Variants in MBD5 observed in about 807,000 individuals in gnomAD.
The protein encoded by MBD5 is methyl-CpG binding domain protein 5, also known as methyl-CpG-binding domain protein 5.
Under a neutral mutation model 117.3 loss-of-function variants are expected in MBD5, and 13 were observed. That is an observed-to-expected ratio of 0.11 (90% confidence interval 0.07 to 0.18). The LOEUF is 0.18. Ranked by LOEUF, MBD5 falls within the 10% of genes least tolerant of loss-of-function variation. The pLI is 1.00. For synonymous variants in MBD5, 727 were observed against 766.4 expected, an observed-to-expected ratio of 0.95 and a Z score of 0.85; for missense variants, 1,879 against 2,093.8, an observed-to-expected ratio of 0.90 and a Z score of 2.00.
At chr2:148,270,741 G>C (rs1250893930) in intron 3 of MBD5, among the ~76,000 whole-genome samples, 2 of 151,768 alleles carry the variant, frequency 1.3e-5, no homozygotes, top group African/African-American at 4.8e-5. Context: ...AGCCTCATAG[G>C]TCTCTACTAA....
At chr2:148,037,028 A>G (rs1694214067) in intron 1 of MBD5, among the ~76,000 whole-genome samples, 1 of 151,962 alleles carries the variant, frequency 6.6e-6, no homozygotes, top group Non-Finnish European at 1.5e-5. Context: ...AAGTAATTTC[A>G]AATTTATAAT....
Position 148,261,030 on chromosome 2 carries a change from C to T in MBD5, c.-680+27635C>T, listed in dbSNP as rs1314197483. Among the ~76,000 whole-genome samples, 3 of 152,148 alleles carry T rather than the reference C, an allele frequency of 2.0e-5. No individual in the cohort carries two copies. In the East Asian group the frequency reaches 5.8e-4, roughly 29 times the overall value. ...GTATTTTTTTCTGAGCAGTAGGTCT[C>T]TCAACGGTGAGCTTAAAATAGTCAG... On this transcript the variant is annotated intron_variant, in intron 3 of 13. Coordinates refer to ENST00000642680, the MANE Select transcript of MBD5 (RefSeq NM_001378120.1).
At chr2:148,300,981 T>A (rs1158881618) in intron 3 of MBD5, among the ~76,000 whole-genome samples, 2 of 152,212 alleles carry the variant, frequency 1.3e-5, no homozygotes, top group Admixed American at 6.5e-5. Context: ...CAAAGCTGTT[T>A]CTATAGCATC....
At chr2:148,326,318 T>A (rs2106603296) in intron 3 of MBD5, among the ~76,000 whole-genome samples, 2 of 152,290 alleles carry the variant, frequency 1.3e-5, no homozygotes, top group Non-Finnish European at 2.9e-5. Flanking sequence ...TTCTGTTGAT[T>A]TGGGGTGGAG....
intron 3 of MBD5, among the ~76,000 whole-genome samples, chr2:148,283,252 T>C (rs1328861554): frequency 6.6e-6 from 1 of 152,156 alleles, no homozygotes; most frequent in Non-Finnish European, 1.5e-5. Flanking sequence ...TACATAGTCA[T>C]ATGGAAAGTA....
intron 1 of MBD5, among the ~76,000 whole-genome samples, chr2:148,087,839 T>C (rs1695834314): frequency 6.6e-6 from 1 of 152,134 alleles, no homozygotes; most frequent in Non-Finnish European, 1.5e-5. Flanking sequence ...CACACTAGCT[T>C]GCTAGCAATG....
At chr2:148,145,626 A>C (rs1697438112) in intron 1 of MBD5, among the ~76,000 whole-genome samples, 1 of 152,186 alleles carries the variant, frequency 6.6e-6, no homozygotes, top group Non-Finnish European at 1.5e-5. Context: ...ACATCCCATC[A>C]ATACCTAGTT....
At chr2:148,295,751 T>A (rs1701632429) in intron 3 of MBD5, 1 of 160,548 alleles carries the variant, frequency 6.2e-6, no homozygotes, top group African/African-American at 2.4e-5. Flanking sequence ...CAGTAAATCA[T>A]AATAGCAACA....
In MBD5 at chr2:148,470,341, G is replaced by A; in HGVS notation, c.2398G>A (p.Gly800Ser). 1 of 1,613,830 alleles carries A rather than the reference G, an allele frequency of 6.2e-7. No homozygotes were observed. The change falls in exon 8 of 14, where the codon GGC becomes AGC. Residue 800 changes from glycine to serine, a missense_variant. Transcript: ENST00000642680. The stretch of plus-strand genomic sequence containing the variant: ...GAACTGTGGGATGCTCAGTCAGTCG[G>A]GCATGGCTTTAGGAAATTCCTTACA... ...SGNCGMLSQS[G>S]MALGNSLHPN...
At chr2:148,074,413 A>G (rs1465456878) in intron 1 of MBD5, among the ~76,000 whole-genome samples, 4 of 151,756 alleles carry the variant, frequency 2.6e-5, no homozygotes, top group Non-Finnish European at 5.9e-5. Flanking sequence ...ACAGTTTTAT[A>G]GGTTATACTA....
At chr2:148,407,956 G>A (rs955680692) in intron 4 of MBD5, among the ~76,000 whole-genome samples, 1 of 152,112 alleles carries the variant, frequency 6.6e-6, no homozygotes, top group Non-Finnish European at 1.5e-5. Context: ...CCATGAGCTA[G>A]AATTAATATA....
intron 1 of MBD5, among the ~76,000 whole-genome samples, chr2:148,144,092 A>T (rs1215157263): frequency 6.6e-6 from 1 of 152,174 alleles, no homozygotes; most frequent in African/African-American, 2.4e-5. Flanking sequence ...ATTTCTCCAC[A>T]TCCTCTCTAG....
intron 1 of MBD5, among the ~76,000 whole-genome samples, chr2:148,152,939 A>G (rs867886581): frequency 3.4e-4 from 51 of 151,870 alleles, no homozygotes; most frequent in African/African-American, 1.2e-3. Context: ...GTCCATTTAC[A>G]TTTAAAGTTA....
At chr2:148,138,918 C>A (rs58913962) in intron 1 of MBD5, among the ~76,000 whole-genome samples, 113 of 152,264 alleles carry the variant, frequency 7.4e-4, no homozygotes, top group African/African-American at 2.7e-3. Context: ...GGCAACAGTT[C>A]AAATATATTT....
At chr2:148,298,482 A>T (rs114223935) in intron 3 of MBD5, among the ~76,000 whole-genome samples, 2 of 152,192 alleles carry the variant, frequency 1.3e-5, no homozygotes, top group Non-Finnish European at 2.9e-5. Flanking sequence ...GTCTTGCACA[A>T]ATGTTTCTTC....
chr2:148,304,596 A>T (rs1194476315), intron 3 of MBD5, among the ~76,000 whole-genome samples: 3 of 152,194 alleles, frequency 2.0e-5, no homozygotes, highest in Non-Finnish European at 4.4e-5. Context: ...TGTTCAAGGG[A>T]CTACTGCATT....
At chr2:148,463,597 A>T in intron 6 of MBD5, 142 bp from the exon 7 acceptor site, 1 of 899,606 alleles carries the variant, frequency 1.1e-6, no homozygotes, top group Non-Finnish European at 1.8e-6. Context: ...TAAGTTATAT[A>T]AAGTTGCCTT....
chr2:148,105,256 C>T (rs564549389), intron 1 of MBD5, among the ~76,000 whole-genome samples: 7 of 146,936 alleles, frequency 4.8e-5, no homozygotes, highest in South Asian at 2.1e-4. Context: ...CCTCACTCTG[C>T]TGCACAGGCT....
chr2:148,468,388 A>C lies in MBD5; in HGVS notation c.445A>C (p.Arg149=). The change falls in exon 8 of 14, where the codon AGA becomes CGA. Residue 149 remains arginine (R), a synonymous_variant. Coordinates refer to ENST00000642680, the MANE Select transcript of MBD5 (RefSeq NM_001378120.1). ...PSRAATPRSV[R]NKSHEGITNS... Reference sequence around the variant, plus strand: ...TCGGGCAGCAACTCCAAGATCAGTAAGAAATAAGTCTCATGAAGGAATTAC... The same window carrying C: ...TCGGGCAGCAACTCCAAGATCAGTACGAAATAAGTCTCATGAAGGAATTAC... 1 of 1,613,740 alleles carries C rather than the reference A, an allele frequency of 6.2e-7. No individual in the cohort carries two copies. The highest frequency in any genetic ancestry group is 8.5e-7 in the Non-Finnish European group (1 of 1,179,806).
Sources: gnomAD v4.1 joint callset for allele counts (sites outside exome capture counted in the v4.1 genomes callset) on GRCh38, gnomAD v4.1.1 for gene constraint, MANE v1.5 for transcripts, NCBI Gene and HGNC (gene_info 2026-07-23, HGNC 2026-07-21) for gene names.